Variants in CLIP2 observed in about 807,000 individuals in gnomAD.
CLIP2 encodes the protein CAP-Gly domain-containing linker protein 2.
In CLIP2, 41 loss-of-function variants were observed where a neutral mutation model predicts 111.7. The observed-to-expected ratio is 0.37, with a 90% CI of 0.29 to 0.48. The LOEUF is 0.48. Ranked by LOEUF, CLIP2 falls within the 20% of genes least tolerant of loss-of-function variation. CLIP2 has a pLI of 0.99. For synonymous variants in CLIP2, 660 were observed against 644.2 expected (o/e 1.02, Z -0.37); for missense variants, 1,160 against 1,422.1 (o/e 0.82, Z 2.96).
chr7:74,332,986 C>T (rs929027012), intron 2 of CLIP2, among the ~76,000 whole-genome samples: 10 of 152,198 alleles, frequency 6.6e-5, no homozygotes, highest in Admixed American at 1.3e-4. Flanking sequence ...TCCTCGCAGG[C>T]GGAGGGGAGA....
At chr7:74,363,936 G>GGAAA (rs1250914601) in intron 7 of CLIP2, among the ~76,000 whole-genome samples, 2 of 146,026 alleles carry the variant, frequency 1.4e-5, no homozygotes, top group South Asian at 4.4e-4. Flanking sequence ...AAGGAAGGAA[G>GGAAA]GAAAGAAAGA....
intron 2 of CLIP2, among the ~76,000 whole-genome samples, chr7:74,336,754 A>G (rs556396620): frequency 1.3e-5 from 2 of 151,940 alleles, no homozygotes; most frequent in African/African-American, 4.8e-5. Flanking sequence ...CAGTTTTCTC[A>G]TCTGTGAAAT....
chr7:74,386,087 G>A (rs183534663), intron 11 of CLIP2, among the ~76,000 whole-genome samples: 9 of 136,514 alleles, frequency 6.6e-5, no homozygotes, highest in Admixed American at 1.7e-4. Flanking sequence ...TCGCTGTGTC[G>A]CCCAGGCTGG....
At chr7:74,395,403 C>T (rs1045695106) in intron 13 of CLIP2, among the ~76,000 whole-genome samples, 2 of 152,172 alleles carry the variant, frequency 1.3e-5, no homozygotes, top group East Asian at 1.9e-4. Flanking sequence ...GTAATCTGCC[C>T]GCCTTGGCCT....
chr7:74,399,384 TA>T (rs1228207305), intron 14 of CLIP2, among the ~76,000 whole-genome samples: 3 of 151,976 alleles, frequency 2.0e-5, no homozygotes, highest in Non-Finnish European at 2.9e-5. Context: ...CAAAAAAAGT[TA>T]AAAATTAGCC....
chr7:74,298,863 A>G (rs1414240047), intron 1 of CLIP2, among the ~76,000 whole-genome samples: 2 of 151,962 alleles, frequency 1.3e-5, no homozygotes, highest in African/African-American at 4.8e-5. Context: ...AAAAACGTTT[A>G]AGTAAAAAAG....
intron 1 of CLIP2, among the ~76,000 whole-genome samples, chr7:74,304,920 G>C (rs1439229431): frequency 2.6e-5 from 4 of 152,052 alleles, no homozygotes; most frequent in African/African-American, 7.2e-5. Context: ...ACTCTTGCCT[G>C]GGCAACAGAG....
rs184156985 is a variant in CLIP2 at position 74,364,537 on chromosome 7, G to A, written c.1380+222G>A. ...CTCCCCGTGTCAGCAGCTGGATGGG[G>A]TGGGCAGGACGAACCCAGGGCAGGG... On this transcript the variant is annotated intron_variant, in intron 8 of 16. Transcript: ENST00000223398. Among the ~76,000 whole-genome samples, 356 of 152,310 alleles carry A rather than the reference G, an allele frequency of 2.3e-3. 2 individuals are homozygous for A. The highest frequency in any genetic ancestry group is 6.7e-3 in the Admixed American group (102 of 15,292).
chr7:74,399,259 T>C (rs1791545516), intron 14 of CLIP2, among the ~76,000 whole-genome samples: 1 of 151,988 alleles, frequency 6.6e-6, no homozygotes, highest in African/African-American at 2.4e-5. Context: ...AGAAGGGTGC[T>C]GGGTGCGGTG....
rs1554732702 is a variant in CLIP2 at position 74,338,768 on chromosome 7, C to A, written c.442C>A (p.Gln148Lys). ...CACGCGGCCCTCCAAGCTGACCCGG[C>A]AGCCCACGGCCGAGGGCTCGGGGAG... The part of the protein sequence containing the change: ...IFTRPSKLTR[Q>K]PTAEGSGSDA... Residue 148 changes from glutamine (Q) to lysine (K), a missense_variant, in exon 3 of 17, where the codon CAG becomes AAG. Physicochemically the swap from Gln to Lys is moderately conservative, Grantham distance 53 (BLOSUM62 1). Coordinates refer to ENST00000223398, the MANE Select transcript of CLIP2 (RefSeq NM_003388.5). This position sits in a 1 kb window ranked among gnomAD's most constrained non-coding sequence, Gnocchi z 4.3. 1.2e-6 allele frequency: 2 copies of A among 1,607,786 alleles called. No individual in the cohort carries two copies. Among genetic ancestry groups the A allele is most frequent in the South Asian group, 2.2e-5 (2 of 90,588 alleles).
intron 3 of CLIP2, among the ~76,000 whole-genome samples, chr7:74,341,257 G>A (rs991143140): frequency 2.0e-5 from 3 of 151,972 alleles, no homozygotes; most frequent in Admixed American, 6.6e-5. Flanking sequence ...GTGCGTTCTC[G>A]GCTCACTGCA....
At chr7:74,323,611 G>C (rs1244634177) in intron 2 of CLIP2, among the ~76,000 whole-genome samples, 2 of 152,002 alleles carry the variant, frequency 1.3e-5, no homozygotes, top group Admixed American at 1.3e-4. Context: ...ATTTTTAGTA[G>C]AGATGGGGTT....
intron 1 of CLIP2, 111 bp from the exon 2 acceptor site, chr7:74,317,369 G>T: frequency 1.6e-6 from 1 of 638,840 alleles, no homozygotes; most frequent in Non-Finnish European, 2.3e-6. Context: ...GTTAAATCGG[G>T]TGTTGCCTCG....
Position 74,305,868 on chromosome 7 carries a change from G to A in CLIP2, c.-67-11612G>A, listed in dbSNP as rs1257165320. ...CCCTGCACCCCAACCCCCCCCCACCGCCCCTGCTGCCAGTTCACCATCATC... is the reference window on the plus strand; with the variant it reads ...CCCTGCACCCCAACCCCCCCCCACCACCCCTGCTGCCAGTTCACCATCATC... On this transcript the variant is annotated intron_variant, in intron 1 of 16. Coordinates refer to ENST00000223398, the MANE Select transcript of CLIP2 (RefSeq NM_003388.5). Among the ~76,000 whole-genome samples the A allele has an allele frequency of 1.0e-4, 4 of 38,920 alleles. 1 individual carries two copies. Among genetic ancestry groups the A allele is most frequent in the African/African-American group, 2.7e-4 (2 of 7,288 alleles). 25.5% of individuals were successfully genotyped at this position (38,920 alleles called of 152,430 possible). A position where few individuals can be genotyped will look rare whatever the true frequency, so the allele number is the denominator to read the frequency against.
chr7:74,393,628 G>GCC (rs1554316226), intron 13 of CLIP2, among the ~76,000 whole-genome samples: 10 of 151,396 alleles, frequency 6.6e-5, no homozygotes, highest in Non-Finnish European at 1.2e-4. Flanking sequence ...GAGCCACTCT[G>GCC]CCGGGCCCAG....
In CLIP2 at chr7:74,402,649, G is replaced by A. The variant is rs889909926; in HGVS notation, c.3129+1082G>A. Among the ~76,000 whole-genome samples, 69 of 152,162 alleles carry A rather than the reference G, an allele frequency of 4.5e-4. 1 individual carries two copies. The highest frequency in any genetic ancestry group is 6.8e-3 in the Middle Eastern group (2 of 294). On this transcript the variant is annotated intron_variant, in intron 16 of 16. Coordinates refer to ENST00000223398, the MANE Select transcript of CLIP2 (RefSeq NM_003388.5). ...TGAGGCTGCAGTGAGCTAGGATTGC[G>A]CCACTGCACTCCAGCCTTGGTGATA...
At chr7:74,363,754 T>C (rs890465687) in intron 7 of CLIP2, among the ~76,000 whole-genome samples, 4 of 151,844 alleles carry the variant, frequency 2.6e-5, no homozygotes, top group African/African-American at 9.7e-5. Context: ...TGAGGTTGCA[T>C]GCCCAGTGAT....
intron 1 of CLIP2, among the ~76,000 whole-genome samples, chr7:74,314,323 T>G (rs782755907): frequency 6.6e-6 from 1 of 151,760 alleles, no homozygotes; most frequent in Admixed American, 6.6e-5. Flanking sequence ...AAACCCCACA[T>G]CTACAAAAAA....
At chr7:74,316,358 C>G (rs1348166109) in intron 1 of CLIP2, among the ~76,000 whole-genome samples, 1 of 152,066 alleles carries the variant, frequency 6.6e-6, no homozygotes, top group African/African-American at 2.4e-5. Context: ...AATCCTCCCA[C>G]CTTTGCCCCA....
Sources: gnomAD v4.1 joint callset for allele counts (sites outside exome capture counted in the v4.1 genomes callset) on GRCh38, gnomAD v4.1.1 for gene constraint, Gnocchi (gnomAD v3.1) non-coding constraint, MANE v1.5 for transcripts, NCBI Gene and HGNC (gene_info 2026-07-23, HGNC 2026-07-21) for gene names.